Variants in DRC11 observed in about 807,000 individuals in gnomAD.
DRC11 encodes the protein dynein regulatory complex subunit 11, also known as IQ and AAA domain-containing protein 1.
the DRC11 span, among the ~76,000 whole-genome samples, chr2:236,446,805 G>C: frequency 6.6e-6 from 1 of 152,348 alleles, no homozygotes; most frequent in South Asian, 2.1e-4. The surrounding 1 kb of genome is among the most constrained non-coding windows in gnomAD (Gnocchi z 6.2). Flanking sequence ...CTCAGGCACT[G>C]TCTGCCCATG....
the DRC11 span, among the ~76,000 whole-genome samples, chr2:236,398,831 A>T: frequency 6.6e-6 from 1 of 152,222 alleles, no homozygotes; most frequent in Non-Finnish European, 1.5e-5. This position sits in a 1 kb window ranked among gnomAD's most constrained non-coding sequence, Gnocchi z 6.2. Context: ...CAATTTTCTT[A>T]ATTTAAGCAA....
chr2:236,343,845 A>T, the DRC11 span: 2 of 866,072 alleles, frequency 2.3e-6, no homozygotes, highest in Non-Finnish European at 3.4e-6. This position sits in a 1 kb window ranked among gnomAD's most constrained non-coding sequence, Gnocchi z 6.6. Flanking sequence ...TCATTTGGGG[A>T]AGAAAAGATT....
chr2:236,396,054 C>T, the DRC11 span, among the ~76,000 whole-genome samples: 3 of 152,064 alleles, frequency 2.0e-5, no homozygotes, highest in Admixed American at 1.3e-4. Context: ...CCCATTTCCC[C>T]TCTAGATCGT....
At chr2:236,326,160 TCTG>T in the DRC11 span, among the ~76,000 whole-genome samples, 1 of 152,238 alleles carries the variant, frequency 6.6e-6, no homozygotes, top group African/African-American at 2.4e-5. Context: ...TTTGATTTGT[TCTG>T]CTGATTACTA....
chr2:236,377,739 C>T, the DRC11 span, among the ~76,000 whole-genome samples: 1 of 152,128 alleles, frequency 6.6e-6, no homozygotes, highest in South Asian at 2.1e-4. This position sits in a 1 kb window ranked among gnomAD's most constrained non-coding sequence, Gnocchi z 4.9. Flanking sequence ...GGGTGTTATA[C>T]TTTACAGAGT....
chr2:236,440,932 T>C, the DRC11 span: 10 of 669,126 alleles, frequency 1.5e-5, no homozygotes, highest in South Asian at 1.6e-4. Flanking sequence ...ATGTAAATAT[T>C]TGTAGGAAAA....
chr2:236,326,792 T>TTGTGTGTGTGTG, the DRC11 span, among the ~76,000 whole-genome samples: 4 of 143,996 alleles, frequency 2.8e-5, no homozygotes, highest in South Asian at 2.3e-4. Flanking sequence ...TTCAGATTTG[T>TTGTGTGTGTGTG]TGTGTGTGTG....
the DRC11 span, among the ~76,000 whole-genome samples, chr2:236,308,737 T>C: frequency 1.3e-5 from 2 of 152,268 alleles, no homozygotes; most frequent in African/African-American, 4.8e-5. The surrounding 1 kb of genome is among the most constrained non-coding windows in gnomAD (Gnocchi z 6.0). Context: ...ACCACATTCT[T>C]TTAATCCATC....
the DRC11 span, among the ~76,000 whole-genome samples, chr2:236,506,235 A>T: frequency 2.0e-5 from 3 of 152,206 alleles, no homozygotes; most frequent in Non-Finnish European, 4.4e-5. The surrounding 1 kb of genome is among the most constrained non-coding windows in gnomAD (Gnocchi z 4.9). Flanking sequence ...ACTGTGGATG[A>T]TCCCAGGATC....
chr2:236,366,566 CT>C, the DRC11 span, among the ~76,000 whole-genome samples: 21 of 151,032 alleles, frequency 1.4e-4, no homozygotes, highest in Admixed American at 1.2e-3. Flanking sequence ...CCTCATAGCC[CT>C]TTTGGACAGT....
chr2:236,471,445 C>G, the DRC11 span, among the ~76,000 whole-genome samples: 1 of 152,204 alleles, frequency 6.6e-6, no homozygotes, highest in Non-Finnish European at 1.5e-5. This position sits in a 1 kb window ranked among gnomAD's most constrained non-coding sequence, Gnocchi z 4.6. Context: ...ACCTTGCCAA[C>G]ACTGTAACGT....
At chr2:236,373,287 C>T in the DRC11 span, among the ~76,000 whole-genome samples, 31 of 150,690 alleles carry the variant, frequency 2.1e-4, no homozygotes, top group African/African-American at 6.6e-4. Flanking sequence ...GACGGAGTCC[C>T]GCTCTGACCC....
chr2:236,376,046 G>A, the DRC11 span, among the ~76,000 whole-genome samples: 233 of 152,218 alleles, frequency 1.5e-3, no homozygotes, highest in African/African-American at 5.5e-3. The surrounding 1 kb of genome is among the most constrained non-coding windows in gnomAD (Gnocchi z 5.7). Context: ...GAGAAATCCC[G>A]GGAACAGCAC....
At chr2:236,371,042 G>A in the DRC11 span, among the ~76,000 whole-genome samples, 3 of 152,150 alleles carry the variant, frequency 2.0e-5, no homozygotes, top group African/African-American at 2.4e-5. This position sits in a 1 kb window ranked among gnomAD's most constrained non-coding sequence, Gnocchi z 5.1. Flanking sequence ...CGTGTCCAGC[G>A]GCTGAGCACG....
At chr2:236,414,092 A>AT in the DRC11 span, among the ~76,000 whole-genome samples, 467 of 152,148 alleles carry the variant, frequency 3.1e-3, 3 homozygotes, top group African/African-American at 0.01. Flanking sequence ...AAGAAAGACT[A>AT]TTTTTTTTGA....
chr2:236,307,390 G>A, the DRC11 span, among the ~76,000 whole-genome samples: 9 of 152,156 alleles, frequency 5.9e-5, no homozygotes, highest in Non-Finnish European at 1.2e-4. This position sits in a 1 kb window ranked among gnomAD's most constrained non-coding sequence, Gnocchi z 7.0. Context: ...GAGGGAGATG[G>A]CAGAGGCCAG....
chr2:236,491,161 A>ATATATATATATATATATACACAG, the DRC11 span, among the ~76,000 whole-genome samples: 1 of 51,478 alleles, frequency 1.9e-5, no homozygotes, highest in African/African-American at 1.2e-4. Flanking sequence ...TACACACAGT[A>ATATATATATATATATATACACAG]TATATATATA....
chr2:236,448,168 C>T, the DRC11 span, among the ~76,000 whole-genome samples: 1 of 152,128 alleles, frequency 6.6e-6, no homozygotes, highest in African/African-American at 2.4e-5. This position sits in a 1 kb window ranked among gnomAD's most constrained non-coding sequence, Gnocchi z 5.3. Context: ...AGATAATCAT[C>T]CCCTCAAAGC....
the DRC11 span, chr2:236,497,545 T>C: frequency 4.7e-6 from 6 of 1,285,350 alleles, no homozygotes; most frequent in African/African-American, 8.9e-5. This position sits in a 1 kb window ranked among gnomAD's most constrained non-coding sequence, Gnocchi z 5.1. Flanking sequence ...TGGTAAAACA[T>C]AAACATCGGG....
Sources: allele counts gnomAD v4.1 joint callset (sites outside exome capture counted in the v4.1 genomes callset), GRCh38; gene constraint gnomAD v4.1.1; non-coding constraint Gnocchi (gnomAD v3.1); transcripts MANE v1.5; gene names NCBI Gene and HGNC (gene_info 2026-07-23, HGNC 2026-07-21).